Variants in WWP1 observed in about 807,000 individuals in gnomAD.
The protein encoded by WWP1 is NEDD4-like E3 ubiquitin-protein ligase WWP1.
WWP1 carries 49 observed loss-of-function variants against 130.6 expected under a neutral mutation model. The ratio of observed to expected loss-of-function variants is 0.38; its 90% CI spans 0.30 to 0.48. The LOEUF (loss-of-function observed/expected upper bound fraction) is 0.48. WWP1 is among the 20% of genes least tolerant of loss of function. The pLI is 0.99. For synonymous variants in WWP1, 332 were observed against 367.8 expected (o/e 0.90, Z 1.11); for missense variants, 809 against 1,100.6 (o/e 0.74, Z 3.75).
At chr8:86,397,259 A>G (rs531704503) in intron 5 of WWP1, among the ~76,000 whole-genome samples, 6 of 152,328 alleles carry the variant, frequency 3.9e-5, no homozygotes, top group South Asian at 4.1e-4. Flanking sequence ...AGATGGAAGT[A>G]TTTGGCCTCA....
At chr8:86,412,627 A>ATTG (rs1808650060) in intron 9 of WWP1, among the ~76,000 whole-genome samples, 1 of 152,124 alleles carries the variant, frequency 6.6e-6, no homozygotes, top group African/African-American at 2.4e-5. Flanking sequence ...TAGCTATTGA[A>ATTG]ACTGCACTTC....
At chr8:86,399,938 C>T (rs1807876341) in intron 7 of WWP1, among the ~76,000 whole-genome samples, 1 of 152,098 alleles carries the variant, frequency 6.6e-6, no homozygotes, top group Non-Finnish European at 1.5e-5. Context: ...AATGTTCATT[C>T]AACAGATAGT....
chr8:86,424,864 G>C (rs1346956082), intron 9 of WWP1, among the ~76,000 whole-genome samples: 2 of 105,110 alleles, frequency 1.9e-5, no homozygotes, highest in Admixed American at 2.0e-4. Context: ...GGGAGGGGGA[G>C]GGGAGGGGAG....
At chr8:86,448,732 A>T (rs776103142) in intron 20 of WWP1, among the ~76,000 whole-genome samples, 1 of 152,088 alleles carries the variant, frequency 6.6e-6, no homozygotes, top group Non-Finnish European at 1.5e-5. Flanking sequence ...TCCCTTTTTT[A>T]ACTTAGGCTT....
intron 1 of WWP1, among the ~76,000 whole-genome samples, chr8:86,357,603 CT>C (rs1462251674): frequency 6.6e-6 from 1 of 152,186 alleles, no homozygotes; most frequent in Non-Finnish European, 1.5e-5. Flanking sequence ...GTGGCGAGGA[CT>C]TGCCCTGGCA....
At chr8:86,343,087 C>CT in intron 1 of WWP1, 157 bp downstream of exon 1, 1 of 276,718 alleles carries the variant, frequency 3.6e-6, no homozygotes, top group Admixed American at 5.3e-5. Flanking sequence ...CCTACCTTGG[C>CT]TACCTTCTCC....
At chr8:86,372,015 G>GTTTT (rs1301642326) in intron 2 of WWP1, among the ~76,000 whole-genome samples, 1 of 87,998 alleles carries the variant, frequency 1.1e-5, no homozygotes, top group African/African-American at 5.6e-5. Flanking sequence ...GCTAATTTTT[G>GTTTT]TATTTTTTTT....
At chr8:86,376,316 C>T (rs1392134451) in intron 3 of WWP1, among the ~76,000 whole-genome samples, 1 of 152,188 alleles carries the variant, frequency 6.6e-6, no homozygotes, top group Non-Finnish European at 1.5e-5. Flanking sequence ...TGCCTGTAAT[C>T]CCAGCACTTT....
At chr8:86,466,218 T>A (rs1488290504) in intron 24 of WWP1, among the ~76,000 whole-genome samples, 2 of 152,202 alleles carry the variant, frequency 1.3e-5, no homozygotes, top group Non-Finnish European at 2.9e-5. Context: ...TTTTATCAGT[T>A]AATACCAGAA....
At chr8:86,410,549 G>A (rs1808524655) in intron 8 of WWP1, among the ~76,000 whole-genome samples, 1 of 152,006 alleles carries the variant, frequency 6.6e-6, no homozygotes. Context: ...AGATCCCCAG[G>A]TTCTTCCCTA....
chr8:86,443,556 C>T (rs1415184535), intron 18 of WWP1, among the ~76,000 whole-genome samples: 1 of 152,166 alleles, frequency 6.6e-6, no homozygotes, highest in Non-Finnish European at 1.5e-5. Context: ...AATTTATTGA[C>T]AGCCTACTGT....
intron 17 of WWP1, among the ~76,000 whole-genome samples, chr8:86,439,901 A>G (rs1810502249): frequency 6.6e-6 from 1 of 152,236 alleles, no homozygotes; most frequent in South Asian, 2.1e-4. Flanking sequence ...ACAAAATCAC[A>G]GTTTTAACAC....
rs1811753966 is a variant in WWP1 at position 86,461,263 on chromosome 8, T to C, written c.2539T>C (p.Leu847=). ...AGACAATGAAGTAAGAATGCGACTA[T>C]TGCAGTTCGTCACTGGAACCTGCCG... The part of the protein sequence containing the change: ...ETDNEVRMRL[L]QFVTGTCRLP... The change falls in exon 23 of 25, where the codon TTG becomes CTG. Residue 847 remains leucine (L), a synonymous_variant. Transcript: ENST00000517970. The C allele has an allele frequency of 5.0e-6, 8 of 1,614,218 alleles. No homozygotes were observed. Among genetic ancestry groups the C allele is most frequent in the Non-Finnish European group, 6.8e-6 (8 of 1,180,026 alleles).
rs1586210964 is a variant in WWP1, at chr8:86,342,820, G to A, written c.-225G>A. 2 of 369,084 alleles carry A rather than the reference G, an allele frequency of 5.4e-6. No homozygotes were observed. The highest frequency in any genetic ancestry group is 9.7e-6 in the Non-Finnish European group (2 of 206,876). 22.9% of individuals were successfully genotyped at this position (369,084 alleles called of 1,614,324 possible). ...ACGCCTGGGTGGCTGCTGCCGCCGC[G>A]CCTGCTGCGAGATGGCGATCTTGGG... On this transcript the variant is annotated 5_prime_UTR_variant, in exon 1 of 25. Coordinates refer to ENST00000517970, the MANE Select transcript of WWP1 (RefSeq NM_007013.4).
chr8:86,427,588 C>A, intron 10 of WWP1, 55 bp from the exon 11 acceptor site: 2 of 1,470,458 alleles, frequency 1.4e-6, no homozygotes, highest in Non-Finnish European at 1.8e-6. Context: ...GTAATAACTG[C>A]TTTTCATTTT....
At chr8:86,463,250 CCAT>C (rs1050554987) in intron 24 of WWP1, among the ~76,000 whole-genome samples, 43 of 152,244 alleles carry the variant, frequency 2.8e-4, no homozygotes, top group African/African-American at 8.7e-4. Flanking sequence ...ATAATTACCA[CCAT>C]GAGCTTGACA....
At chr8:86,425,072 A>G in intron 9 of WWP1, 151 bp from the exon 10 acceptor site, 1 of 492,076 alleles carries the variant, frequency 2.0e-6, no homozygotes, top group Non-Finnish European at 3.5e-6. Context: ...TTCTGTATAT[A>G]TATATAATAG....
intron 5 of WWP1, among the ~76,000 whole-genome samples, chr8:86,396,530 T>C (rs1476612010): frequency 1.3e-5 from 2 of 152,132 alleles, no homozygotes; most frequent in African/African-American, 2.4e-5. Context: ...GGTTGGGGTA[T>C]TCTATAAGGT....
At chr8:86,376,006 T>C (rs937464989) in intron 3 of WWP1, among the ~76,000 whole-genome samples, 1 of 152,224 alleles carries the variant, frequency 6.6e-6, no homozygotes, top group East Asian at 1.9e-4. Context: ...TTTCTCTCAC[T>C]GTAAGGTTGA....
Sources: allele counts gnomAD v4.1 joint callset (sites outside exome capture counted in the v4.1 genomes callset), GRCh38; gene constraint gnomAD v4.1.1; transcripts MANE v1.5; gene names NCBI Gene and HGNC (gene_info 2026-07-23, HGNC 2026-07-21).